The following ARL1 variants were observed in gnomAD, a reference collection of about 807,000 sequenced individuals.
ARL1 encodes the protein ADP-ribosylation factor-like protein 1.
A neutral mutation model predicts 30.1 loss-of-function variants in ARL1; 17 were observed. The ratio of observed to expected loss-of-function variants is 0.56; its 90% CI spans 0.39 to 0.85. ARL1 has a LOEUF of 0.85. Ranked by LOEUF, ARL1 falls within the 40% of genes least tolerant of loss-of-function variation. The probability of loss-of-function intolerance (pLI) is 0.00; values close to 1 mark genes in which losing one functional copy is unlikely to be tolerated. For synonymous variants in ARL1, 58 were observed against 71.7 expected (o/e 0.81, Z 0.97); for missense variants, 102 against 212.6 (o/e 0.48, Z 3.24).
intron 1 of ARL1, 97 bp downstream of exon 1, chr12:101,407,545 T>C: frequency 6.5e-7 from 1 of 1,547,648 alleles, no homozygotes; most frequent in South Asian, 1.1e-5. Context: ...AGCTGGCTAC[T>C]CTAGGGTATC....
rs1220594255 is a variant in ARL1, at chr12:101,405,823, G to C, written c.142+21C>G. The C allele has an allele frequency of 2.6e-6, 4 of 1,527,614 alleles. No homozygotes were observed. In the South Asian group the frequency reaches 5.1e-5, roughly 20 times the overall value. 94.6% of individuals were successfully genotyped at this position (1,527,614 alleles called of 1,614,324 possible). On this transcript the variant is annotated intron_variant, in intron 2 of 5. Coordinates refer to ENST00000261636, the MANE Select transcript of ARL1 (RefSeq NM_001177.6). The stretch of plus-strand genomic sequence containing the variant: ...GGAGACCAGAAAGTCCCTACAATTA[G>C]CTCATCATACCAACACTTACTAGGT...
At chr12:101,405,015 G>A (rs1871401082) in intron 2 of ARL1, among the ~76,000 whole-genome samples, 2 of 152,086 alleles carry the variant, frequency 1.3e-5, no homozygotes, top group Admixed American at 6.6e-5. Context: ...GGGATTACAG[G>A]CATGCACCAC....
Position 101,407,740 on chromosome 12 carries a change from C to T in ARL1, c.-95G>A. The T allele has an allele frequency of 6.4e-7, 1 of 1,573,548 alleles. No homozygotes were observed. Among genetic ancestry groups the T allele is most frequent in the South Asian group, 1.1e-5 (1 of 90,290 alleles). On this transcript the variant is annotated 5_prime_UTR_variant, in exon 1 of 6. Transcript: ENST00000261636. ...TTTCCTCGCAAGCCCAGTCAGCCAG[C>T]AACTTCCACGTCGGACTCCAGGCGG...
At position 101,407,734 on chromosome 12, in the gene ARL1, A is replaced by G. The variant is rs1429738178; in HGVS notation, c.-89T>C. 6.3e-7 allele frequency: 1 copy of G among 1,588,124 alleles called. No homozygotes were observed. Among genetic ancestry groups the G allele is most frequent in the African/African-American group, 1.3e-5 (1 of 74,522 alleles). On this transcript the variant is annotated 5_prime_UTR_variant, in exon 1 of 6. Transcript: ENST00000261636. ...AGGCGGTTTCCTCGCAAGCCCAGTC[A>G]GCCAGCAACTTCCACGTCGGACTCC...
At chr12:101,400,351 C>A (rs1871270536) in intron 4 of ARL1, 1 of 148,748 alleles carries the variant, frequency 6.7e-6, no homozygotes, top group African/African-American at 2.5e-5. Context: ...GAGTTTGGGA[C>A]CAGCCTGGGC....
In ARL1 at chr12:101,407,511, T is replaced by C. The variant is rs568465015; in HGVS notation, c.4+131A>G. ...AGATGAAGATCCAAAGTGAGTCAAGTCCTCCGCGACCCGCCCCCTGAGGAG... is the reference window on the plus strand; with the variant it reads ...AGATGAAGATCCAAAGTGAGTCAAGCCCTCCGCGACCCGCCCCCTGAGGAG... On this transcript the variant is annotated intron_variant, in intron 1 of 5. Transcript: ENST00000261636. The C allele has an allele frequency of 3.2e-6, 4 of 1,233,060 alleles. No homozygotes were observed. The East Asian group carries it at 7.4e-5, about 23-fold the overall frequency. The allele number at this position is 1,233,060 out of a possible 1,614,324, so 76.4% of individuals were successfully genotyped here.
At chr12:101,400,969 G>C (rs1355788494) in intron 4 of ARL1, 93 bp downstream of exon 4, 1 of 810,062 alleles carries the variant, frequency 1.2e-6, no homozygotes, top group Non-Finnish European at 2.0e-6. Context: ...TAAAAGGATG[G>C]AGGGAACAAC....
chr12:101,401,226 C>A, intron 3 of ARL1, 53 bp from the exon 4 acceptor site: 2 of 1,286,744 alleles, frequency 1.6e-6, no homozygotes, highest in South Asian at 2.5e-5. Flanking sequence ...AAGGAAGAAA[C>A]TGACATATCA....
chr12:101,400,895 G>C (rs1196008674), intron 4 of ARL1, among the ~76,000 whole-genome samples, 167 bp downstream of exon 4: 3 of 152,102 alleles, frequency 2.0e-5, no homozygotes, highest in Non-Finnish European at 4.4e-5. Flanking sequence ...TTGTTGTTTT[G>C]TCTCCAACCC....
intron 3 of ARL1, among the ~76,000 whole-genome samples, chr12:101,402,645 G>A (rs1871337709): frequency 6.6e-6 from 1 of 152,110 alleles, no homozygotes. Context: ...TGAGATTTTC[G>A]TGAAAAGATT....
intron 4 of ARL1, 61 bp downstream of exon 4, chr12:101,401,001 T>C (rs1322516352): frequency 9.0e-7 from 1 of 1,107,700 alleles, no homozygotes; most frequent in African/African-American, 1.6e-5. Flanking sequence ...TTTTAATTAT[T>C]CTTCAATGTA....
intron 2 of ARL1, 23 bp from the exon 3 acceptor site, chr12:101,402,969 G>C: frequency 6.4e-7 from 1 of 1,563,354 alleles, no homozygotes; most frequent in Non-Finnish European, 8.8e-7. Context: ...TCAAATCAGT[G>C]GTATGTGTAG....
intron 4 of ARL1, among the ~76,000 whole-genome samples, chr12:101,396,900 C>G (rs1031742483): frequency 6.6e-6 from 1 of 152,114 alleles, no homozygotes; most frequent in Non-Finnish European, 1.5e-5. Flanking sequence ...AAATTAAAAT[C>G]ATGTTTCTCC....
intron 1 of ARL1, 199 bp downstream of exon 1, chr12:101,407,441 CGA>C (rs1171599034): frequency 1.6e-6 from 1 of 632,650 alleles, no homozygotes; most frequent in South Asian, 2.3e-5. Flanking sequence ...CAAGGGGAAC[CGA>C]GAGAGGACGG....
intron 2 of ARL1, chr12:101,403,157 A>G (rs1871348679): frequency 2.1e-6 from 1 of 477,928 alleles, no homozygotes; most frequent in Non-Finnish European, 3.8e-6. Flanking sequence ...AAGACGAAAT[A>G]GTATGCTCTG....
rs765725915 is a variant in ARL1 at position 101,407,621 on chromosome 12, T to C, written c.4+21A>G. 50 of 1,610,112 alleles carry C rather than the reference T, an allele frequency of 3.1e-5. No individual in the cohort carries two copies. The African/African-American group carries it at 6.5e-4, about 21-fold the overall frequency. ...CGCGGCTCCCTCGAGCGCGCCCAGG[T>C]GCCCTTCTCGAACCCCTCACCCATG... On this transcript the variant is annotated intron_variant, in intron 1 of 5. Coordinates refer to ENST00000261636, the MANE Select transcript of ARL1 (RefSeq NM_001177.6).
chr12:101,407,593 G>T, intron 1 of ARL1, 49 bp downstream of exon 1: 1 of 1,605,954 alleles, frequency 6.2e-7, no homozygotes. Flanking sequence ...CCCAGCCCTC[G>T]GCCGCGGCTC....
At chr12:101,406,949 G>A (rs1230080940) in intron 1 of ARL1, 2 of 152,156 alleles carry the variant, frequency 1.3e-5, no homozygotes, top group Non-Finnish European at 2.9e-5. Context: ...TCATTTGGAG[G>A]GTGAGAAACG....
intron 4 of ARL1, among the ~76,000 whole-genome samples, chr12:101,398,396 C>CAAA (rs199846146): frequency 8.7e-6 from 1 of 115,124 alleles, no homozygotes; most frequent in Non-Finnish European, 1.9e-5. Context: ...AACTCCGTCT[C>CAAA]AAAAAAAAAA....
Sources: allele counts gnomAD v4.1 joint callset (sites outside exome capture counted in the v4.1 genomes callset), GRCh38; gene constraint gnomAD v4.1.1; transcripts MANE v1.5; gene names NCBI Gene and HGNC (gene_info 2026-07-23, HGNC 2026-07-21).